Variants in STK38 observed in about 807,000 individuals in gnomAD.
STK38 encodes the protein serine/threonine kinase 38.
In STK38, 26 loss-of-function variants were observed where a neutral mutation model predicts 59.0. That is an observed-to-expected ratio of 0.44 (90% CI 0.32 to 0.61). The LOEUF (loss-of-function observed/expected upper bound fraction) is 0.61, where lower values mean the gene tolerates loss of function less well. Among genes scored for constraint, STK38 ranks in the 20% least tolerant of loss-of-function variants. STK38 has a pLI of 0.04. For synonymous variants in STK38, 175 were observed against 176.6 expected (o/e 0.99, Z 0.07); for missense variants, 433 against 566.0 (o/e 0.76, Z 2.38).
At chr6:36,540,002 A>AT in intron 2 of STK38, 70 bp downstream of exon 2, 2 of 1,592,728 alleles carry the variant, frequency 1.3e-6, no homozygotes, top group Non-Finnish European at 1.7e-6. Context: ...TTTCAGCATT[A>AT]TAAGTGTTTT....
intron 1 of STK38, among the ~76,000 whole-genome samples, chr6:36,542,471 AT>A (rs1438300168): frequency 6.6e-6 from 1 of 152,160 alleles, no homozygotes. Flanking sequence ...GTTATAGAAT[AT>A]TTTTTTCCTA....
chr6:36,497,906 T>C, intron 11 of STK38, 31 bp from the exon 12 acceptor site: 1 of 1,225,104 alleles, frequency 8.2e-7, no homozygotes. Flanking sequence ...TCAGCACATC[T>C]CAAGCAGTCT....
At chr6:36,509,332 T>G (rs970911393) in intron 7 of STK38, among the ~76,000 whole-genome samples, 1 of 152,078 alleles carries the variant, frequency 6.6e-6, no homozygotes, top group African/African-American at 2.4e-5. Context: ...AGTGGGTACC[T>G]CCCAGACGCA....
chr6:36,527,207 A>AAAAAAAAAAATATATATATAT (rs60162863), intron 2 of STK38, among the ~76,000 whole-genome samples: 2 of 119,356 alleles, frequency 1.7e-5, no homozygotes, highest in African/African-American at 7.0e-5. Context: ...AAAAAAAAAA[A>AAAAAAAAAAATATATATATAT]ATATATGTAT....
At chr6:36,509,626 G>T (rs1012290909) in intron 7 of STK38, among the ~76,000 whole-genome samples, 23 of 151,504 alleles carry the variant, frequency 1.5e-4, no homozygotes, top group African/African-American at 5.6e-4. Context: ...GGGTGGGGGG[G>T]TGATGACCAT....
intron 2 of STK38, among the ~76,000 whole-genome samples, chr6:36,527,598 C>A (rs1451615872): frequency 6.6e-6 from 1 of 151,652 alleles, no homozygotes; most frequent in East Asian, 1.9e-4. Flanking sequence ...GAATACTGAA[C>A]TTTAGAAAGT....
At chr6:36,509,947 CA>C (rs1777067393) in intron 7 of STK38, among the ~76,000 whole-genome samples, 1 of 152,116 alleles carries the variant, frequency 6.6e-6, no homozygotes, top group African/African-American at 2.4e-5. Context: ...GTATGGGTTT[CA>C]AAAGAGAGAA....
In STK38 at chr6:36,496,816, T is replaced by C. The variant is rs1561969805; in HGVS notation, c.1173-11A>G. ...GCAGCAGGTCTCTCTCTGCCAAGAATACACATGCCAAAAATTACTAAGTTA... is the reference window on the plus strand; with the variant it reads ...GCAGCAGGTCTCTCTCTGCCAAGAACACACATGCCAAAAATTACTAAGTTA... On this transcript the variant is annotated splice_polypyrimidine_tract_variant and intron_variant, in intron 12 of 13. Coordinates refer to ENST00000229812, the MANE Select transcript of STK38 (RefSeq NM_007271.4). 2 of 1,595,816 alleles carry C rather than the reference T, an allele frequency of 1.3e-6. No individual in the cohort carries two copies.
At position 36,497,869 on chromosome 6, in the gene STK38, G is replaced by A; in HGVS notation, c.1083C>T (p.Cys361=). 2 of 1,609,018 alleles carry A rather than the reference G, an allele frequency of 1.2e-6. No individual in the cohort carries two copies. The highest frequency in any genetic ancestry group is 8.5e-7 in the Non-Finnish European group (1 of 1,178,558). Residue 361 remains cysteine (C), a synonymous_variant, in exon 12 of 14, where the codon TGC becomes TGT. Transcript: ENST00000229812. The part of the protein sequence containing the change: ...EKAKDLILRF[C]CEWEHRIGAP... Reference sequence around the variant, plus strand: ...CTCCAATTCTATGTTCCCATTCACAGCAGAACCTGGAAAAGACAGAGGCCT... The same window carrying A: ...CTCCAATTCTATGTTCCCATTCACAACAGAACCTGGAAAAGACAGAGGCCT...
rs1405446175 is a variant in STK38, at chr6:36,494,374, C to T, written c.*1410G>A. The T allele has an allele frequency of 6.5e-6, 1 of 152,712 alleles. No individual in the cohort carries two copies. Among genetic ancestry groups the T allele is most frequent in the Non-Finnish European group, 1.5e-5 (1 of 68,056 alleles). The allele number at this position is 152,712 out of a possible 1,614,324, so 9.5% of individuals were successfully genotyped here. On this transcript the variant is annotated 3_prime_UTR_variant, in exon 14 of 14. Transcript: ENST00000229812. The stretch of plus-strand genomic sequence containing the variant: ...TCCCAGCTGCAGCTCGGCCACAATA[C>T]TTTGCAACAGGCAAAGTTCCCACAT...
intron 2 of STK38, among the ~76,000 whole-genome samples, chr6:36,536,512 A>G (rs890965270): frequency 7.9e-5 from 12 of 152,058 alleles, no homozygotes; most frequent in African/African-American, 2.9e-4. Flanking sequence ...AAAAAAACAA[A>G]AAATTTTTTT....
rs369672445 is a variant in STK38, at chr6:36,513,453, T to A, written c.669+1885A>T. The stretch of plus-strand genomic sequence containing the variant: ...CCTCAGCCTCTCAAGTAGGTGGGAC[T>A]ACAGGCACACTCCACCACGCCCAGC... On this transcript the variant is annotated intron_variant, in intron 7 of 13. Coordinates refer to ENST00000229812, the MANE Select transcript of STK38 (RefSeq NM_007271.4). Among the ~76,000 whole-genome samples, 22 of 151,770 alleles carry A rather than the reference T, an allele frequency of 1.4e-4. No homozygotes were observed. In the East Asian group the frequency reaches 2.5e-3, roughly 17 times the overall value.
chr6:36,496,437 T>C (rs1328597568), intron 13 of STK38, among the ~76,000 whole-genome samples: 1 of 152,210 alleles, frequency 6.6e-6, no homozygotes, highest in African/African-American at 2.4e-5. Flanking sequence ...ATTCCTGTCA[T>C]TTCAGATTAC....
At chr6:36,498,507 C>T (rs372649101) in intron 10 of STK38, 21 bp from the exon 11 acceptor site, 13 of 1,605,024 alleles carry the variant, frequency 8.1e-6, no homozygotes, top group East Asian at 2.2e-5. Context: ...AAAGGAACTT[C>T]GGAGCTTTTA....
chr6:36,501,926 G>A (rs759119695), intron 9 of STK38, among the ~76,000 whole-genome samples: 1 of 152,156 alleles, frequency 6.6e-6, no homozygotes, highest in Non-Finnish European at 1.5e-5. Flanking sequence ...CTTGGGCACT[G>A]TGCAAGCATT....
At chr6:36,521,453 C>A (rs1009562379) in intron 5 of STK38, among the ~76,000 whole-genome samples, 2 of 151,792 alleles carry the variant, frequency 1.3e-5, no homozygotes, top group African/African-American at 4.8e-5. Context: ...AAGGCTCTCA[C>A]AATAAGGACA....
chr6:36,497,863 T>A lies in STK38; in HGVS notation c.1089A>T (p.Glu363Asp), dbSNP rs1460143096. Residue 363 changes from glutamate (E) to aspartate (D), a missense_variant, in exon 12 of 14, where the codon GAA (glutamate) becomes GAT (aspartate). By Grantham distance (45) the Glu-to-Asp change is conservative. Around this residue, in one of 3 missense-constraint regions of STK38, gnomAD observed 136 missense variants for 156.7 expected, o/e 0.87. Coordinates refer to ENST00000229812, the MANE Select transcript of STK38 (RefSeq NM_007271.4). ...AKDLILRFCCEWEHRIGAPGV... is the reference protein window; with the variant it reads ...AKDLILRFCCDWEHRIGAPGV... Reference sequence around the variant, plus strand: ...CAGGAGCTCCAATTCTATGTTCCCATTCACAGCAGAACCTGGAAAAGACAG... The same window carrying A: ...CAGGAGCTCCAATTCTATGTTCCCAATCACAGCAGAACCTGGAAAAGACAG... 6.2e-7 allele frequency: 1 copy of A among 1,612,872 alleles called. No homozygotes were observed. The highest frequency in any genetic ancestry group is 8.5e-7 in the Non-Finnish European group (1 of 1,179,690).
chr6:36,502,023 A>G (rs1301228012), intron 9 of STK38, among the ~76,000 whole-genome samples: 1 of 152,230 alleles, frequency 6.6e-6, no homozygotes, highest in East Asian at 1.9e-4. Context: ...CAAAGTAGTT[A>G]GTCCCTATTT....
In STK38 at chr6:36,521,813, C is replaced by G; in HGVS notation, c.311G>C (p.Arg104Pro). 1 of 1,609,230 alleles carries G rather than the reference C, an allele frequency of 6.2e-7. No individual in the cohort carries two copies. The highest frequency in any genetic ancestry group is 2.2e-5 in the East Asian group (1 of 44,640). The change falls in exon 5 of 14, where the codon CGG becomes CCG. Residue 104 changes from arginine (R) to proline (P), a missense_variant. Physicochemically the swap from Arg to Pro is moderately radical, Grantham distance 103. Coordinates refer to ENST00000229812, the MANE Select transcript of STK38 (RefSeq NM_007271.4). ...TCCCGTATCTTTCTTCTGAACAAGC[C>G]GTACCTAAAAAGTTATAAAAGAAAT... ...VIGRGAFGEV[R>P]LVQKKDTGHV...
Sources: gnomAD v4.1 joint callset for allele counts (sites outside exome capture counted in the v4.1 genomes callset) on GRCh38, gnomAD v4.1.1 for gene constraint, gnomAD v4.1.1 regional missense constraint, MANE v1.5 for transcripts, NCBI Gene and HGNC (gene_info 2026-07-23, HGNC 2026-07-21) for gene names.